Variants in CDH4 observed in about 807,000 individuals in gnomAD.
The protein encoded by CDH4 is cadherin-4.
CDH4 carries 33 observed loss-of-function variants against 86.0 expected under a neutral mutation model. That is an observed-to-expected ratio of 0.38 (90% CI 0.29 to 0.51). The LOEUF is 0.51. Ranked by LOEUF, CDH4 falls within the 20% of genes least tolerant of loss-of-function variation. The pLI is 0.86. For synonymous variants in CDH4, 555 were observed against 549.4 expected (o/e 1.01, Z -0.14); for missense variants, 1,114 against 1,307.4 (o/e 0.85, Z 2.28).
Position 61,597,591 on chromosome 20 carries a change from G to A in CDH4, c.170-145972G>A, listed in dbSNP as rs111697345. Among the ~76,000 whole-genome samples the A allele has an allele frequency of 2.5e-3, 383 of 152,330 alleles. 2 individuals carry two copies. The highest frequency in any genetic ancestry group is 3.9e-3 in the Non-Finnish European group (263 of 68,038). ...TTCATGCATCTGCACAGGATGGACC[G>A]GGCGAAGCAGGCAGGGCTCTGCTGA... On this transcript the variant is annotated intron_variant, in intron 2 of 15. Coordinates refer to ENST00000614565, the MANE Select transcript of CDH4 (RefSeq NM_001794.5).
At chr20:61,310,265 C>T (rs2084438398) in intron 2 of CDH4, among the ~76,000 whole-genome samples, 1 of 152,130 alleles carries the variant, frequency 6.6e-6, no homozygotes, top group Admixed American at 6.5e-5. Context: ...GAGGGCAAGG[C>T]TCCATGTCCT....
Position 61,932,969 on chromosome 20 carries a change from C to G in CDH4, c.2240-16C>G. ...ACCCGCAGCACACCCTGCTCACGGG[C>G]AGCCCTCCCCCACAGCCATGGTCCT... On this transcript the variant is annotated splice_polypyrimidine_tract_variant and intron_variant, in intron 13 of 15. Coordinates refer to ENST00000614565, the MANE Select transcript of CDH4 (RefSeq NM_001794.5). The G allele has an allele frequency of 6.2e-7, 1 of 1,608,706 alleles. No individual in the cohort carries two copies. The highest frequency in any genetic ancestry group is 2.2e-5 in the East Asian group (1 of 44,722).
intron 2 of CDH4, among the ~76,000 whole-genome samples, chr20:61,576,951 A>G (rs539258902): frequency 2.0e-5 from 3 of 152,382 alleles, no homozygotes; most frequent in African/African-American, 7.2e-5. Flanking sequence ...TGCAAGAGCC[A>G]TAAAGTGCAG....
At chr20:61,704,728 G>A (rs1482873994) in intron 2 of CDH4, among the ~76,000 whole-genome samples, 1 of 152,196 alleles carries the variant, frequency 6.6e-6, no homozygotes, top group Non-Finnish European at 1.5e-5. Context: ...CAGCCGGGAT[G>A]TCTGAGTCTT....
intron 2 of CDH4, among the ~76,000 whole-genome samples, chr20:61,712,512 C>T (rs2087904342): frequency 6.6e-6 from 1 of 152,114 alleles, no homozygotes; most frequent in South Asian, 2.1e-4. Flanking sequence ...GGGAAGGTGC[C>T]AGCCCTGCCC....
intron 2 of CDH4, among the ~76,000 whole-genome samples, chr20:61,332,929 C>A (rs2123267283): frequency 6.6e-6 from 1 of 152,352 alleles, no homozygotes; most frequent in Admixed American, 6.5e-5. Context: ...CGCGCCCTTG[C>A]CCTCACAGGC....
intron 2 of CDH4, among the ~76,000 whole-genome samples, chr20:61,467,025 T>G (rs1287327145): frequency 6.6e-6 from 1 of 152,252 alleles, no homozygotes; most frequent in African/African-American, 2.4e-5. Flanking sequence ...GGTTTTAATA[T>G]TTGCCATTTT....
intron 2 of CDH4, among the ~76,000 whole-genome samples, chr20:61,732,725 C>T (rs1460915621): frequency 1.3e-5 from 2 of 152,210 alleles, no homozygotes; most frequent in Admixed American, 6.5e-5. Flanking sequence ...GGGAGGACCT[C>T]GGTGTGCACC....
intron 13 of CDH4, among the ~76,000 whole-genome samples, chr20:61,931,010 G>A (rs757545014): frequency 1.3e-5 from 2 of 152,228 alleles, no homozygotes; most frequent in East Asian, 1.9e-4. Flanking sequence ...CAGTGGGGCC[G>A]GGGCCACGGT....
At chr20:61,769,405 G>T (rs2088747746) in intron 3 of CDH4, among the ~76,000 whole-genome samples, 1 of 152,186 alleles carries the variant, frequency 6.6e-6, no homozygotes, top group African/African-American at 2.4e-5. Flanking sequence ...CACATCCCGG[G>T]TGGGTGCAGG....
intron 2 of CDH4, among the ~76,000 whole-genome samples, chr20:61,477,558 A>T (rs1479880672): frequency 6.6e-6 from 1 of 152,230 alleles, no homozygotes; most frequent in Non-Finnish European, 1.5e-5. Flanking sequence ...GCGTGGAAGA[A>T]GGTCCACATA....
At chr20:61,855,435 G>A (rs1211677324) in intron 6 of CDH4, among the ~76,000 whole-genome samples, 5 of 152,196 alleles carry the variant, frequency 3.3e-5, no homozygotes, top group African/African-American at 1.2e-4. Context: ...GCTCCAGGCA[G>A]CCAAAGAAAA....
At chr20:61,488,094 A>G (rs2085606352) in intron 2 of CDH4, among the ~76,000 whole-genome samples, 1 of 152,238 alleles carries the variant, frequency 6.6e-6, no homozygotes, top group Admixed American at 6.5e-5. Flanking sequence ...TTTGTCTTGT[A>G]TGACGCCAAT....
chr20:61,685,132 C>T (rs996759418), intron 2 of CDH4, among the ~76,000 whole-genome samples: 2 of 152,184 alleles, frequency 1.3e-5, no homozygotes, highest in African/African-American at 2.4e-5. Context: ...TCTGTCTTTC[C>T]GTCTCTAGAT....
chr20:61,873,967 C>A, intron 7 of CDH4, 67 bp downstream of exon 7: 1 of 1,540,312 alleles, frequency 6.5e-7, no homozygotes, highest in Non-Finnish European at 8.9e-7. Flanking sequence ...CCCACAGGAC[C>A]CTCGGGGAGC....
intron 8 of CDH4, among the ~76,000 whole-genome samples, 192 bp from the exon 9 acceptor site, chr20:61,910,230 G>A (rs114905159): frequency 7.7e-4 from 117 of 152,122 alleles, no homozygotes; most frequent in African/African-American, 2.7e-3. Context: ...GGGCCGACAC[G>A]TTGTGTTCTG....
intron 8 of CDH4, among the ~76,000 whole-genome samples, chr20:61,904,163 C>G (rs6061885): frequency 0.77 from 116,758 of 152,160 alleles, 48,629 homozygotes; most frequent in Non-Finnish European, 0.95. Context: ...TGGCGGGAGC[C>G]GTCATCGGGG....
At chr20:61,745,232 CAT>C (rs1453425246) in intron 3 of CDH4, among the ~76,000 whole-genome samples, 2 of 152,320 alleles carry the variant, frequency 1.3e-5, no homozygotes, top group East Asian at 3.9e-4. Flanking sequence ...CCTCATGACT[CAT>C]GTGCTGTGTA....
chr20:61,680,172 G>A (rs1156294661), intron 2 of CDH4, among the ~76,000 whole-genome samples: 2 of 152,190 alleles, frequency 1.3e-5, no homozygotes, highest in African/African-American at 2.4e-5. Flanking sequence ...CAGGACCAGG[G>A]GCTCCACCAT....
Sources: gnomAD v4.1 joint callset for allele counts (sites outside exome capture counted in the v4.1 genomes callset) on GRCh38, gnomAD v4.1.1 for gene constraint, MANE v1.5 for transcripts, NCBI Gene and HGNC (gene_info 2026-07-23, HGNC 2026-07-21) for gene names.